PRR7: variants seen among roughly 807,000 people sequenced by gnomAD.
PRR7 encodes the protein proline rich 7, synaptic.
A neutral mutation model predicts 18.5 loss-of-function variants in PRR7; 8 were observed. The ratio of observed to expected loss-of-function variants is 0.43; its 90% CI spans 0.25 to 0.78. The LOEUF (loss-of-function observed/expected upper bound fraction) is 0.78, where lower values mean the gene tolerates loss of function less well. PRR7 is among the 30% of genes least tolerant of loss of function. The pLI, the probability that PRR7 is intolerant of heterozygous loss-of-function variation, is 0.22. For synonymous variants in PRR7, 221 were observed against 187.7 expected, an observed-to-expected ratio of 1.18 and a Z score of -1.45; for missense variants, 396 against 403.1, an observed-to-expected ratio of 0.98 and a Z score of 0.15.
Position 177,455,208 on chromosome 5 carries a change from C to G in PRR7, c.141C>G (p.Arg47=). The change falls in exon 3 of 4, where the codon CGC becomes CGG. Residue 47 remains arginine (R), a synonymous_variant. Coordinates refer to ENST00000323249, the MANE Select transcript of PRR7 (RefSeq NM_030567.5). This position sits in a 1 kb window ranked among gnomAD's most constrained non-coding sequence, Gnocchi z 6.9. ...AACGGCGCCAGGAGGAGCGACTGCG[C>G]GAGCAGAACCTGCGCGCCCTAGAGC... The part of the protein sequence containing the change: ...RLKRRQEERL[R]EQNLRALELE... The G allele has an allele frequency of 1.3e-6, 2 of 1,570,980 alleles. No individual in the cohort carries two copies. Among genetic ancestry groups the G allele is most frequent in the Non-Finnish European group, 1.7e-6 (2 of 1,165,720 alleles).
At chr5:177,448,343 T>TGTTGAGTGCTCTGC (rs1755997272) in intron 1 of PRR7, 2 of 152,278 alleles carry the variant, frequency 1.3e-5, no homozygotes. Flanking sequence ...TCCTGCTCTG[T>TGTTGAGTGCTCTGC]GAGACCTGTG....
At position 177,449,769 on chromosome 5, in the gene PRR7, C is replaced by T. The variant is rs1756098643; in HGVS notation, c.-325+2809C>T. ...TGGTCTTATTTGTAGTTTCCCAAGC[C>T]CTGGGTTCCTGGCTTGGTGTCAGGG... On this transcript the variant is annotated intron_variant, in intron 1 of 3. Transcript: ENST00000323249. This position sits in a 1 kb window ranked among gnomAD's most constrained non-coding sequence, Gnocchi z 4.2. 6.6e-6 allele frequency among the ~76,000 whole-genome samples: 1 copy of T among 152,102 alleles called. No homozygotes were observed. The highest frequency in any genetic ancestry group is 2.1e-4 in the South Asian group (1 of 4,818).
chr5:177,447,347 C>T (rs1386412304), intron 1 of PRR7, among the ~76,000 whole-genome samples: 1 of 152,102 alleles, frequency 6.6e-6, no homozygotes, highest in Non-Finnish European at 1.5e-5. Flanking sequence ...CCCTCTGGCC[C>T]GGCTGGGTGT....
Position 177,454,996 on chromosome 5 carries a change from C to A in PRR7, c.-72C>A. The A allele has an allele frequency of 7.3e-7, 1 of 1,374,214 alleles. No homozygotes were observed. Among genetic ancestry groups the A allele is most frequent in the Non-Finnish European group, 9.4e-7 (1 of 1,064,426 alleles). The allele number at this position is 1,374,214 out of a possible 1,614,324, so 85.1% of individuals were successfully genotyped here. On this transcript the variant is annotated 5_prime_UTR_variant, in exon 3 of 4. Coordinates refer to ENST00000323249, the MANE Select transcript of PRR7 (RefSeq NM_030567.5). The surrounding 1 kb of genome is among the most constrained non-coding windows in gnomAD (Gnocchi z 4.7). Reference sequence around the variant, plus strand: ...GCTGGCGGCACCTGAGAGTGTGGCGCGGGCCCGGGGCCACGCAGCGGAGCC... The same window carrying A: ...GCTGGCGGCACCTGAGAGTGTGGCGAGGGCCCGGGGCCACGCAGCGGAGCC...
chr5:177,451,798 A>G lies in PRR7; in HGVS notation c.-324-2158A>G, dbSNP rs988974715. Among the ~76,000 whole-genome samples the G allele has an allele frequency of 1.0e-4, 14 of 139,194 alleles. 1 individual carries two copies. Among genetic ancestry groups the G allele is most frequent in the African/African-American group, 3.7e-4 (14 of 37,638 alleles). 91.3% of individuals were successfully genotyped at this position (139,194 alleles called of 152,430 possible). A position where few individuals can be genotyped will look rare whatever the true frequency, so the allele number is the denominator to read the frequency against. On this transcript the variant is annotated intron_variant, in intron 1 of 3. Coordinates refer to ENST00000323249, the MANE Select transcript of PRR7 (RefSeq NM_030567.5). Reference sequence around the variant, plus strand: ...GGTGCCCAGCCCTCAGGCAGGGAGCACCCTGTAGCCTGCTTCGAAGAGTGA... The same window carrying G: ...GGTGCCCAGCCCTCAGGCAGGGAGCGCCCTGTAGCCTGCTTCGAAGAGTGA...
rs1356430356 is a variant in PRR7, at chr5:177,449,693, G to GC, written c.-325+2733_-325+2734insC. ...GCCGGAGCTGAGCGCAGTAGACACT[G>GC]GCCTGAGGGAGGGCTCTCCACCTAC... On this transcript the variant is annotated intron_variant, in intron 1 of 3. Transcript: ENST00000323249. The surrounding 1 kb of genome is among the most constrained non-coding windows in gnomAD (Gnocchi z 4.2). 2.0e-5 allele frequency among the ~76,000 whole-genome samples: 3 copies of GC among 152,106 alleles called. No homozygotes were observed. The highest frequency in any genetic ancestry group is 7.2e-5 in the African/African-American group (3 of 41,390).
In PRR7 at chr5:177,455,438, A is replaced by T; in HGVS notation, c.371A>T (p.His124Leu). The change falls in exon 3 of 4, where the codon CAC (histidine) becomes CTC (leucine). Residue 124 changes from histidine (H) to leucine (L), a missense_variant. Transcript: ENST00000323249. This position sits in a 1 kb window ranked among gnomAD's most constrained non-coding sequence, Gnocchi z 6.9. ...HPHPHHHALP[H>L]PPPTHLSVPP... is the part of the protein sequence containing the mutation. ...CACCCGCACCACCACGCGCTCCCGC[A>T]CCCGCCGCCTACGCACCTGTCGGTG... 1.3e-6 allele frequency: 2 copies of T among 1,506,482 alleles called. No homozygotes were observed. The highest frequency in any genetic ancestry group is 1.2e-5 in the South Asian group (1 of 81,286). The allele number at this position is 1,506,482 out of a possible 1,614,324, so 93.3% of individuals were successfully genotyped here. A position where few individuals can be genotyped will look rare whatever the true frequency, so the allele number is the denominator to read the frequency against.
chr5:177,449,850 G>A lies in PRR7; in HGVS notation c.-325+2890G>A, dbSNP rs141789520. The stretch of plus-strand genomic sequence containing the variant: ...TGCCACTCAGTACCCTGGCCTAGGC[G>A]GAGGGCGGTTCTGGCCAGCTCCAAG... On this transcript the variant is annotated intron_variant, in intron 1 of 3. Coordinates refer to ENST00000323249, the MANE Select transcript of PRR7 (RefSeq NM_030567.5). The surrounding 1 kb of genome is among the most constrained non-coding windows in gnomAD (Gnocchi z 4.2). 9.9e-5 allele frequency among the ~76,000 whole-genome samples: 15 copies of A among 152,248 alleles called. No individual in the cohort carries two copies. In the East Asian group the frequency reaches 2.5e-3, roughly 25 times the overall value.
In PRR7 at chr5:177,455,057, G is replaced by C. The variant is rs779287135; in HGVS notation, c.-11G>C. The C allele has an allele frequency of 2.8e-6, 4 of 1,448,690 alleles. No individual in the cohort carries two copies. Among genetic ancestry groups the C allele is most frequent in the East Asian group, 5.5e-5 (2 of 36,404 alleles). 89.7% of individuals were successfully genotyped at this position (1,448,690 alleles called of 1,614,324 possible). A position where few individuals can be genotyped will look rare whatever the true frequency, so the allele number is the denominator to read the frequency against. On this transcript the variant is annotated 5_prime_UTR_variant, in exon 3 of 4. Transcript: ENST00000323249. This position sits in a 1 kb window ranked among gnomAD's most constrained non-coding sequence, Gnocchi z 6.9. The stretch of plus-strand genomic sequence containing the variant: ...TGAAGCGTCTGAGGACCCGCCGCCC[G>C]TGCCGCCGCCATGGTGATGTCCCAG...
chr5:177,451,386 G>A (rs1199012795), intron 1 of PRR7, among the ~76,000 whole-genome samples: 2 of 130,494 alleles, frequency 1.5e-5, no homozygotes, highest in Non-Finnish European at 3.4e-5. Flanking sequence ...GCTTCGGAGA[G>A]TGAGTGTGGA....
chr5:177,454,937 A>G lies in PRR7; in HGVS notation c.-131A>G, dbSNP rs936538234. The G allele has an allele frequency of 7.7e-5, 95 of 1,237,306 alleles. No homozygotes were observed. The highest frequency in any genetic ancestry group is 3.1e-4 in the Middle Eastern group (1 of 3,270). 76.6% of individuals were successfully genotyped at this position (1,237,306 alleles called of 1,614,324 possible). A position where few individuals can be genotyped will look rare whatever the true frequency, so the allele number is the denominator to read the frequency against. On this transcript the variant is annotated 5_prime_UTR_variant, in exon 3 of 4. Coordinates refer to ENST00000323249, the MANE Select transcript of PRR7 (RefSeq NM_030567.5). The surrounding 1 kb of genome is among the most constrained non-coding windows in gnomAD (Gnocchi z 4.7). ...GCGCGCGCACGACTTGAGACCTGCC[A>G]CGGGCAGCCCCCGGCCGCGGGTCCC... is the stretch of plus-strand genomic sequence containing the variant.
intron 1 of PRR7, chr5:177,448,296 C>A (rs574562020): frequency 1.3e-5 from 2 of 152,272 alleles, no homozygotes; most frequent in Non-Finnish European, 2.9e-5. Flanking sequence ...CAGGCAGGGG[C>A]GCCTGGGGAA....
chr5:177,452,324 G>T (rs1363603934), intron 1 of PRR7, among the ~76,000 whole-genome samples: 1 of 152,342 alleles, frequency 6.6e-6, no homozygotes, highest in Admixed American at 6.5e-5. Context: ...GCTGCAGGCA[G>T]GCTCTGAGTC....
rs750092133 is a variant in PRR7 at position 177,456,001 on chromosome 5, T to C, written c.705T>C (p.Arg235=). Residue 235 remains arginine, a synonymous_variant, in exon 4 of 4, where the codon CGT becomes CGC. Transcript: ENST00000323249. ...CAGCCCTCTGCCTGCAGGCCGACCG[T>C]GGCCGCCGGGTCTTCCCCAGCTGGA... The part of the protein sequence containing the change: ...PCPALCLQAD[R]GRRVFPSWTD... 2.4e-5 allele frequency: 38 copies of C among 1,581,540 alleles called. No homozygotes were observed. The African/African-American group carries it at 4.3e-4, about 18-fold the overall frequency.
chr5:177,447,208 G>A (rs996690279), intron 1 of PRR7, among the ~76,000 whole-genome samples: 16 of 152,132 alleles, frequency 1.1e-4, no homozygotes, highest in Admixed American at 9.2e-4. Context: ...CCACAGCAAC[G>A]GGGTTGCGCT....
rs1013124510 is a variant in PRR7, at chr5:177,454,299, C to T, written c.-240+259C>T. Among the ~76,000 whole-genome samples, 18 of 152,338 alleles carry T rather than the reference C, an allele frequency of 1.2e-4. No individual in the cohort carries two copies. Among genetic ancestry groups the T allele is most frequent in the Admixed American group, 1.2e-3 (18 of 15,314 alleles). On this transcript the variant is annotated intron_variant, in intron 2 of 3. Transcript: ENST00000323249. This position sits in a 1 kb window ranked among gnomAD's most constrained non-coding sequence, Gnocchi z 4.7. ...ACCAGTCGGAGCCACCCGCCTGAGC[C>T]CCCCTACGGGAGCGGCGGGAGACCC...
Position 177,456,111 on chromosome 5 carries a change from C to G in PRR7, c.815C>G (p.Thr272Arg). 1 of 1,511,424 alleles carries G rather than the reference C, an allele frequency of 6.6e-7. No homozygotes were observed. Among genetic ancestry groups the G allele is most frequent in the Non-Finnish European group, 8.8e-7 (1 of 1,139,570 alleles). 93.6% of individuals were successfully genotyped at this position (1,511,424 alleles called of 1,614,324 possible). ...TCCATCCCCTTGTTCGGGAGGACTA[C>G]AGCCGTATAGAGGGGCGCCCGGCGC... Reference protein sequence around the residue: ...PVSIPLFGRTTAV With the variant: ...PVSIPLFGRTRAV Residue 272 changes from threonine (T) to arginine (R), a missense_variant, in exon 4 of 4, where the codon ACA (threonine) becomes AGA (arginine). By Grantham distance (71) the Thr-to-Arg change is moderately conservative. Transcript: ENST00000323249.
intron 1 of PRR7, among the ~76,000 whole-genome samples, chr5:177,452,652 T>G (rs1198400615): frequency 6.6e-6 from 1 of 152,194 alleles, no homozygotes; most frequent in Non-Finnish European, 1.5e-5. Flanking sequence ...GGGCTAGTTA[T>G]GTGACCTTAA....
rs938784345 is a variant in PRR7 at position 177,454,955 on chromosome 5, C to T, written c.-113C>T. 6.9e-6 allele frequency: 9 copies of T among 1,307,550 alleles called. No individual in the cohort carries two copies. In the African/African-American group the frequency reaches 1.4e-4, roughly 20 times the overall value. 81.0% of individuals were successfully genotyped at this position (1,307,550 alleles called of 1,614,324 possible). A position where few individuals can be genotyped will look rare whatever the true frequency, so the allele number is the denominator to read the frequency against. ...ACCTGCCACGGGCAGCCCCCGGCCG[C>T]GGGTCCCCGAGTGACGCTGGCGGCA... On this transcript the variant is annotated 5_prime_UTR_variant, in exon 3 of 4. Coordinates refer to ENST00000323249, the MANE Select transcript of PRR7 (RefSeq NM_030567.5). The surrounding 1 kb of genome is among the most constrained non-coding windows in gnomAD (Gnocchi z 4.7).
Sources: gnomAD v4.1 joint callset for allele counts (sites outside exome capture counted in the v4.1 genomes callset) on GRCh38, gnomAD v4.1.1 for gene constraint, Gnocchi (gnomAD v3.1) non-coding constraint, MANE v1.5 for transcripts, NCBI Gene and HGNC (gene_info 2026-07-23, HGNC 2026-07-21) for gene names.